Variants in RARB observed in about 807,000 individuals in gnomAD.
RARB encodes retinoic acid receptor beta.
In RARB, 17 loss-of-function variants were observed where a neutral mutation model predicts 51.9. That is an observed-to-expected ratio of 0.33 (90% confidence interval 0.22 to 0.49). The LOEUF (loss-of-function observed/expected upper bound fraction) is 0.49. Ranked by LOEUF, RARB falls within the 20% of genes least tolerant of loss-of-function variation. The probability of loss-of-function intolerance (pLI) is 0.99; values close to 1 mark genes in which losing one functional copy is unlikely to be tolerated. For synonymous variants in RARB, 215 were observed against 195.4 expected, an observed-to-expected ratio of 1.10 and a Z score of -0.84; for missense variants, 369 against 550.8, an observed-to-expected ratio of 0.67 and a Z score of 3.30.
At chr3:25,330,839 AT>A (rs1704871421) in intron 5 of RARB, among the ~76,000 whole-genome samples, 1 of 151,984 alleles carries the variant, frequency 6.6e-6, no homozygotes, top group African/African-American at 2.4e-5. Flanking sequence ...CAAATGGAAA[AT>A]AAAAAAACAA....
chr3:25,555,167 C>T (rs374100114), intron 3 of RARB, among the ~76,000 whole-genome samples: 13 of 152,310 alleles, frequency 8.5e-5, no homozygotes, highest in East Asian at 7.7e-4. Flanking sequence ...CAAATAGCTA[C>T]TCTAGCTTGT....
intron 1 of RARB, among the ~76,000 whole-genome samples, chr3:25,445,046 T>G (rs1038781573): frequency 6.6e-6 from 1 of 151,884 alleles, no homozygotes; most frequent in Non-Finnish European, 1.5e-5. Flanking sequence ...GCCTCCCGGG[T>G]TCAAGTGATT....
chr3:25,030,789 G>C (rs564935720), intron 2 of RARB, among the ~76,000 whole-genome samples: 2 of 152,298 alleles, frequency 1.3e-5, no homozygotes, highest in African/African-American at 4.8e-5. Flanking sequence ...AAATGTGCCT[G>C]TCTGGTTTCT....
intron 5 of RARB, among the ~76,000 whole-genome samples, chr3:25,373,586 C>T (rs557091921): frequency 5.7e-4 from 87 of 152,282 alleles, no homozygotes; most frequent in Non-Finnish European, 9.7e-4. Context: ...AAAAGCCAGT[C>T]TGTAGGTCAG....
intron 3 of RARB, among the ~76,000 whole-genome samples, chr3:25,080,817 G>A (rs1698979470): frequency 6.6e-6 from 1 of 152,080 alleles, no homozygotes; most frequent in African/African-American, 2.4e-5. Flanking sequence ...TATCAGGTAT[G>A]TTTTGCAATT....
rs1276726235 is a variant in RARB, at chr3:25,081,608, TATATATATATATA to T, written c.-328+21433_-328+21445del. 7.3e-3 allele frequency among the ~76,000 whole-genome samples: 118 copies of T among 16,112 alleles called. 3 individuals are homozygous for T. Among genetic ancestry groups the T allele is most frequent in the African/African-American group, 0.018 (67 of 3,652 alleles). 10.6% of individuals were successfully genotyped at this position (16,112 alleles called of 152,430 possible). A position where few individuals can be genotyped will look rare whatever the true frequency, so the allele number is the denominator to read the frequency against. On this transcript the variant is annotated intron_variant, in intron 3 of 11. Transcript: ENST00000383772. ...ATACATATATATATATATATATATA[TATATATATATATA>T]TTTTTTTTTTTTTTTTTTTTTTTTT...
chr3:25,345,912 AAG>A (rs904867994), intron 5 of RARB: 2 of 882,090 alleles, frequency 2.3e-6, no homozygotes, highest in South Asian at 5.3e-5. Context: ...AGTTTAAAAA[AAG>A]AGAGAAAAAT....
At chr3:24,840,656 T>A (rs555118946) in intron 1 of RARB, among the ~76,000 whole-genome samples, 1 of 150,664 alleles carries the variant, frequency 6.6e-6, no homozygotes, top group Admixed American at 6.7e-5. Context: ...TGTATGTAAA[T>A]GTCTTTTATA....
chr3:25,186,997 A>G (rs1312418000), intron 5 of RARB, among the ~76,000 whole-genome samples: 1 of 150,996 alleles, frequency 6.6e-6, no homozygotes, highest in Non-Finnish European at 1.5e-5. Flanking sequence ...GATGGAACAA[A>G]GGAAGTAGGA....
chr3:24,842,706 T>C (rs1273239303), intron 1 of RARB, among the ~76,000 whole-genome samples: 1 of 152,238 alleles, frequency 6.6e-6, no homozygotes, highest in Non-Finnish European at 1.5e-5. Context: ...CCATTTTCTT[T>C]AACACATACT....
chr3:25,483,839 CAG>C (rs1696345253), intron 2 of RARB, among the ~76,000 whole-genome samples: 1 of 152,072 alleles, frequency 6.6e-6, no homozygotes, highest in South Asian at 2.1e-4. Context: ...ATTAATGTGA[CAG>C]GGAGTCGGAT....
rs192187825 is a variant in RARB, at chr3:25,043,589, T to C, written c.-379-16536T>C. ...GTTTTTCTCTAGAAAGATAGCTTAT[T>C]CCTCCCATGGAGTTCAGGGAGAGAA... On this transcript the variant is annotated intron_variant, in intron 2 of 11. Coordinates refer to the RARB transcript ENST00000383772. Among the ~76,000 whole-genome samples, 152 of 152,360 alleles carry C rather than the reference T, an allele frequency of 1.0e-3. 1 individual carries two copies. Among genetic ancestry groups the C allele is most frequent in the African/African-American group, 3.4e-3 (141 of 41,578 alleles).
chr3:25,396,363 G>C (rs1481225461), intron 5 of RARB, among the ~76,000 whole-genome samples: 2 of 152,236 alleles, frequency 1.3e-5, no homozygotes, highest in South Asian at 4.1e-4. Flanking sequence ...GAGTTGTCAT[G>C]TGGACAGACT....
At chr3:24,973,007 T>G (rs1326246490) in intron 2 of RARB, among the ~76,000 whole-genome samples, 1 of 152,080 alleles carries the variant, frequency 6.6e-6, no homozygotes, top group Non-Finnish European at 1.5e-5. Flanking sequence ...ATTTTTTGCT[T>G]TTGTTGCCTG....
intron 1 of RARB, among the ~76,000 whole-genome samples, chr3:24,831,910 AT>A (rs1324932938): frequency 2.0e-5 from 3 of 152,084 alleles, no homozygotes; most frequent in Admixed American, 6.6e-5. Context: ...CTGAATAACT[AT>A]TTTTTTCTGT....
At chr3:25,213,377 A>G (rs775117519) in intron 5 of RARB, among the ~76,000 whole-genome samples, 1 of 151,644 alleles carries the variant, frequency 6.6e-6, no homozygotes, top group Non-Finnish European at 1.5e-5. Flanking sequence ...ATTTATTCAT[A>G]TTGTCCTATG....
chr3:25,072,766 T>G (rs1698794466), intron 3 of RARB, among the ~76,000 whole-genome samples: 1 of 151,974 alleles, frequency 6.6e-6, no homozygotes, highest in East Asian at 1.9e-4. Flanking sequence ...TGGAGTGCAG[T>G]GGCGCGATCT....
intron 3 of RARB, among the ~76,000 whole-genome samples, chr3:25,524,600 C>T (rs892343384): frequency 1.3e-5 from 2 of 151,258 alleles, no homozygotes; most frequent in Non-Finnish European, 3.0e-5. Flanking sequence ...CTTTACCCTT[C>T]TCTTCCCCCC....
intron 2 of RARB, among the ~76,000 whole-genome samples, chr3:24,950,168 G>A (rs1695858427): frequency 6.6e-6 from 1 of 152,112 alleles, no homozygotes; most frequent in African/African-American, 2.4e-5. Context: ...TTTTCATTCT[G>A]TGTTTTCTTC....
Sources: allele counts gnomAD v4.1 joint callset (sites outside exome capture counted in the v4.1 genomes callset), GRCh38; gene constraint gnomAD v4.1.1; transcripts MANE v1.5; gene names NCBI Gene and HGNC (gene_info 2026-07-23, HGNC 2026-07-21).